FBXW10B: variants seen among roughly 807,000 people sequenced by gnomAD.
The protein encoded by FBXW10B is F-box and WD repeat domain containing 10B, also known as F-box and WD repeat domain containing protein 10B.
chr17:15,589,668 C>G, the FBXW10B span, among the ~76,000 whole-genome samples: 26 of 152,156 alleles, frequency 1.7e-4, no homozygotes, highest in Admixed American at 4.6e-4. Context: ...TTTTTACCAT[C>G]TGTAAGGGAA....
At chr17:15,612,067 G>A in the FBXW10B span, among the ~76,000 whole-genome samples, 1 of 152,280 alleles carries the variant, frequency 6.6e-6, no homozygotes, top group South Asian at 2.1e-4. Context: ...GGCTGATGGG[G>A]TTGCTCCTGG....
At chr17:15,595,218 T>C in the FBXW10B span, among the ~76,000 whole-genome samples, 1 of 152,102 alleles carries the variant, frequency 6.6e-6, no homozygotes, top group Non-Finnish European at 1.5e-5. Context: ...CACACACCTG[T>C]AATCCCAGCC....
chr17:15,609,938 A>G, the FBXW10B span, among the ~76,000 whole-genome samples: 1 of 136,976 alleles, frequency 7.3e-6, no homozygotes, highest in African/African-American at 2.8e-5. Flanking sequence ...TCGGCTCACT[A>G]CAACCTCCAT....
At chr17:15,595,108 G>A in the FBXW10B span, among the ~76,000 whole-genome samples, 6 of 152,264 alleles carry the variant, frequency 3.9e-5, no homozygotes, top group East Asian at 7.8e-4. Flanking sequence ...TTGGGAGGCC[G>A]AGGCGGGCGG....
At chr17:15,594,470 CA>C in the FBXW10B span, 60,899 of 261,894 alleles carry the variant, frequency 0.23, 2,485 homozygotes, top group Middle Eastern at 0.32. Context: ...GACTCTGTCT[CA>C]AAAAAAAAAA....
chr17:15,597,259 C>G, the FBXW10B span, among the ~76,000 whole-genome samples: 1 of 145,998 alleles, frequency 6.8e-6, no homozygotes, highest in Non-Finnish European at 1.5e-5. Flanking sequence ...TCAACACAGA[C>G]TGTGTTAGAG....
At chr17:15,594,810 C>T in the FBXW10B span, 47 of 1,613,888 alleles carry the variant, frequency 2.9e-5, no homozygotes, top group Admixed American at 7.8e-4. Context: ...AGGCCATGAC[C>T]AGGCCATCAG....
chr17:15,605,809 T>G, the FBXW10B span, among the ~76,000 whole-genome samples: 3,712 of 151,220 alleles, frequency 0.025, 71 homozygotes, highest in Non-Finnish European at 0.04. Flanking sequence ...CTGTATTTCT[T>G]TTCTTTTGTT....
the FBXW10B span, chr17:15,571,677 T>C: frequency 6.6e-6 from 1 of 152,228 alleles, no homozygotes; most frequent in Non-Finnish European, 1.5e-5. Context: ...TATGGACACA[T>C]GTCCATACAA....
chr17:15,610,366 T>C, the FBXW10B span, among the ~76,000 whole-genome samples: 3 of 152,298 alleles, frequency 2.0e-5, no homozygotes, highest in East Asian at 5.8e-4. Flanking sequence ...TGTGTCTCTT[T>C]GTTGTGCTTA....
the FBXW10B span, among the ~76,000 whole-genome samples, chr17:15,596,919 G>A: frequency 2.6e-5 from 4 of 152,098 alleles, no homozygotes; most frequent in Admixed American, 6.6e-5. Context: ...CTATGGCCCT[G>A]GAACTTAGCC....
chr17:15,589,311 G>T, the FBXW10B span: 2 of 1,530,828 alleles, frequency 1.3e-6, no homozygotes, highest in Non-Finnish European at 1.8e-6. Flanking sequence ...GGGAATGTCT[G>T]GGAGAAAAAA....
At chr17:15,591,539 C>T in the FBXW10B span, among the ~76,000 whole-genome samples, 1 of 152,184 alleles carries the variant, frequency 6.6e-6, no homozygotes, top group Non-Finnish European at 1.5e-5. Context: ...CCACCCACCT[C>T]GGCCTCCCAA....
chr17:15,591,400 G>A, the FBXW10B span, among the ~76,000 whole-genome samples: 25 of 152,148 alleles, frequency 1.6e-4, no homozygotes, highest in East Asian at 3.5e-3. Flanking sequence ...AGCGATTCTC[G>A]TGCCTCAGCC....
chr17:15,612,833 CA>C, the FBXW10B span: 41 of 1,583,654 alleles, frequency 2.6e-5, no homozygotes, highest in African/African-American at 8.3e-5. Flanking sequence ...CCTGGAAAAA[CA>C]AAAAAAAACC....
the FBXW10B span, among the ~76,000 whole-genome samples, chr17:15,614,687 T>C: frequency 6.6e-6 from 1 of 152,182 alleles, no homozygotes; most frequent in Non-Finnish European, 1.5e-5. Flanking sequence ...GTGTTGATAA[T>C]TGTTGAAGCC....
chr17:15,595,201 T>A, the FBXW10B span, among the ~76,000 whole-genome samples: 2 of 151,950 alleles, frequency 1.3e-5, no homozygotes, highest in African/African-American at 2.4e-5. Context: ...TAAGCTGGGC[T>A]TGGTGGCACA....
the FBXW10B span, among the ~76,000 whole-genome samples, chr17:15,614,584 T>C: frequency 6.6e-6 from 1 of 152,062 alleles, no homozygotes; most frequent in African/African-American, 2.4e-5. Context: ...TGAAATGATA[T>C]TGTGCCTGGA....
At chr17:15,605,513 G>A in the FBXW10B span, 1 of 1,297,524 alleles carries the variant, frequency 7.7e-7, no homozygotes. Context: ...GCCTACAGCA[G>A]TGGTGTAAAG....
Sources: allele counts gnomAD v4.1 joint callset (sites outside exome capture counted in the v4.1 genomes callset), GRCh38; gene constraint gnomAD v4.1.1; transcripts MANE v1.5; gene names NCBI Gene and HGNC (gene_info 2026-07-23, HGNC 2026-07-21).